CHL1: variants seen among roughly 807,000 people sequenced by gnomAD.
The protein encoded by CHL1 is neural cell adhesion molecule L1-like protein.
Under a neutral mutation model 141.9 loss-of-function variants are expected in CHL1, and 96 were observed. The observed-to-expected ratio is 0.68, with a 90% CI of 0.57 to 0.80. CHL1 has a LOEUF of 0.80. Among genes scored for constraint, CHL1 ranks in the 30% least tolerant of loss-of-function variants. CHL1 has a pLI of 0.00. For missense variants in CHL1, 1,820 were observed against 1,457.2 expected, an observed-to-expected ratio of 1.25 and a Z score of -4.05; for synonymous variants, 613 against 502.2, an observed-to-expected ratio of 1.22 and a Z score of -2.95.
chr3:199,154 T>G (rs1174749385), intron 1 of CHL1, among the ~76,000 whole-genome samples: 2 of 152,360 alleles, frequency 1.3e-5, no homozygotes, highest in South Asian at 2.1e-4. Flanking sequence ...TTTTATGGCC[T>G]TAAGTGCTGC....
At chr3:280,358 A>C (rs1157516682) in intron 2 of CHL1, among the ~76,000 whole-genome samples, 1 of 152,144 alleles carries the variant, frequency 6.6e-6, no homozygotes, top group Non-Finnish European at 1.5e-5. Flanking sequence ...AGAAAATTGA[A>C]CATCAGTCTT....
chr3:236,277 T>C (rs930243645), intron 1 of CHL1, among the ~76,000 whole-genome samples: 2 of 152,182 alleles, frequency 1.3e-5, no homozygotes, highest in African/African-American at 4.8e-5. Flanking sequence ...GCAGAGCTTA[T>C]TCATTCACTC....
In CHL1 at chr3:366,021, G is replaced by T. The variant is rs751637020; in HGVS notation, c.1657G>T (p.Glu553Ter). Residue 553 changes from glutamate (E) to a stop codon, truncating the protein, a stop_gained, in exon 15 of 28, where the codon GAA becomes TAA. Coordinates refer to ENST00000256509, the MANE Select transcript of CHL1 (RefSeq NM_006614.4). LOFTEE classifies it high-confidence loss of function. ...ATTGCATATGCTTGAATTACATTGT[G>T]AAAGCAAATGTGACTCACATTTGAA... ...PKLHMLELHCESKCDSHLKHS... is the reference protein window; with the variant it reads ...PKLHMLELHC The T allele has an allele frequency of 6.2e-7, 1 of 1,613,144 alleles. No individual in the cohort carries two copies. Among genetic ancestry groups the T allele is most frequent in the Non-Finnish European group, 8.5e-7 (1 of 1,179,248 alleles).
At chr3:280,025 G>A (rs1696497848) in intron 2 of CHL1, among the ~76,000 whole-genome samples, 1 of 151,892 alleles carries the variant, frequency 6.6e-6, no homozygotes, top group Non-Finnish European at 1.5e-5. Context: ...TGGTTATGTT[G>A]TCCTAAAATC....
At chr3:329,753 A>C (rs541916193) in intron 5 of CHL1, among the ~76,000 whole-genome samples, 88 of 152,204 alleles carry the variant, frequency 5.8e-4, no homozygotes, top group Middle Eastern at 3.4e-3. Flanking sequence ...GAAATGAAAA[A>C]GACAGAAAAG....
chr3:384,611 A>G, intron 19 of CHL1: 1 of 152,194 alleles, frequency 6.6e-6, no homozygotes, highest in East Asian at 1.9e-4. Flanking sequence ...TTTCTGTAAC[A>G]GTGGGGCATT....
intron 1 of CHL1, among the ~76,000 whole-genome samples, chr3:238,626 T>C (rs1457719988): frequency 1.3e-5 from 2 of 152,016 alleles, no homozygotes; most frequent in Non-Finnish European, 2.9e-5. Flanking sequence ...TAAAACATTG[T>C]AAAGAAACCC....
intron 2 of CHL1, among the ~76,000 whole-genome samples, chr3:260,676 T>C (rs368943297): frequency 9.3e-4 from 142 of 152,244 alleles, no homozygotes; most frequent in African/African-American, 3.2e-3. Flanking sequence ...GGGGTGTAGT[T>C]TGGGAAATTT....
chr3:305,455 C>T (rs1362600181), intron 2 of CHL1, among the ~76,000 whole-genome samples: 1 of 151,922 alleles, frequency 6.6e-6, no homozygotes, highest in African/African-American at 2.4e-5. Context: ...GACCTCTGCC[C>T]TATTATAACT....
At position 220,413 on chromosome 3, in the gene CHL1, A is replaced by G. The variant is rs528724342; in HGVS notation, c.-175+23350A>G. On this transcript the variant is annotated intron_variant, in intron 1 of 27. Transcript: ENST00000256509. ...GAGCCTGGAAATTCGAGGCTGTAGC[A>G]TGGGTGTCCAACCTTTTGACTACCC... Among the ~76,000 whole-genome samples the G allele has an allele frequency of 1.6e-4, 25 of 152,276 alleles. 2 individuals are homozygous for G. In the South Asian group the frequency reaches 4.4e-3, roughly 27 times the overall value.
intron 1 of CHL1, among the ~76,000 whole-genome samples, chr3:209,062 C>T (rs1699682292): frequency 6.6e-6 from 1 of 152,204 alleles, no homozygotes; most frequent in Non-Finnish European, 1.5e-5. Context: ...TCAACAGCTA[C>T]TTCAGGTATT....
rs752626396 is a variant in CHL1, at chr3:273,245, C to A, written c.-95+28553C>A. On this transcript the variant is annotated intron_variant, in intron 2 of 27. Transcript: ENST00000256509. The stretch of plus-strand genomic sequence containing the variant: ...GAGTGTGCGATAGCTAGAAACAGGT[C>A]AATAAATTATTCATGATCAAAATGA... Among the ~76,000 whole-genome samples, 10 of 152,236 alleles carry A rather than the reference C, an allele frequency of 6.6e-5. No homozygotes were observed. The East Asian group carries it at 1.9e-3, about 29-fold the overall frequency.
rs1342575582 is a variant in CHL1 at position 261,917 on chromosome 3, T to C, written c.-95+17225T>C. Among the ~76,000 whole-genome samples the C allele has an allele frequency of 9.0e-5, 12 of 133,362 alleles. No individual in the cohort carries two copies. The South Asian group carries it at 2.0e-3, about 22-fold the overall frequency. 87.5% of individuals were successfully genotyped at this position (133,362 alleles called of 152,430 possible). A position where few individuals can be genotyped will look rare whatever the true frequency, so the allele number is the denominator to read the frequency against. ...GTTTGGGAATTTTTAGCAGCTTGAG[T>C]ATATTTAAGCCCAGATCTACACAGT... On this transcript the variant is annotated intron_variant, in intron 2 of 27. Transcript: ENST00000256509.
At chr3:363,430 A>T in intron 14 of CHL1, 47 bp downstream of exon 14, 1 of 1,524,014 alleles carries the variant, frequency 6.6e-7, no homozygotes, top group Non-Finnish European at 9.0e-7. Context: ...ACATGGGTTC[A>T]GTCTGTCTTC....
At chr3:262,576 C>T (rs1484954881) in intron 2 of CHL1, among the ~76,000 whole-genome samples, 5 of 150,258 alleles carry the variant, frequency 3.3e-5, no homozygotes, top group East Asian at 3.9e-4. Context: ...ACACAGTACT[C>T]ACAGGGCAGG....
chr3:345,535 G>C (rs981488960), intron 9 of CHL1, among the ~76,000 whole-genome samples: 1 of 151,466 alleles, frequency 6.6e-6, no homozygotes. Flanking sequence ...CCATGCTGGA[G>C]TGCAGAGGCG....
chr3:408,183 G>A lies in CHL1; in HGVS notation c.*2472G>A, dbSNP rs946774433. 5 of 152,068 alleles carry A rather than the reference G, an allele frequency of 3.3e-5. No homozygotes were observed. The highest frequency in any genetic ancestry group is 9.7e-5 in the African/African-American group (4 of 41,400). 9.4% of individuals were successfully genotyped at this position (152,068 alleles called of 1,614,324 possible). A position where few individuals can be genotyped will look rare whatever the true frequency, so the allele number is the denominator to read the frequency against. Reference sequence around the variant, plus strand: ...GGCGTGCAATGGTAATTATAAATTGGTGATGCTTGTTTGCAAATTGCCCAC... The same window carrying A: ...GGCGTGCAATGGTAATTATAAATTGATGATGCTTGTTTGCAAATTGCCCAC... On this transcript the variant is annotated 3_prime_UTR_variant, in exon 28 of 28. Coordinates refer to ENST00000256509, the MANE Select transcript of CHL1 (RefSeq NM_006614.4).
chr3:231,576 T>A (rs1045699140), intron 1 of CHL1, among the ~76,000 whole-genome samples: 188 of 14,718 alleles, frequency 0.013, no homozygotes, highest in Admixed American at 0.031. Context: ...TATTTCTTCC[T>A]TTTTTTTTTT....
At chr3:261,640 T>C (rs1198583808) in intron 2 of CHL1, among the ~76,000 whole-genome samples, 3 of 152,144 alleles carry the variant, frequency 2.0e-5, no homozygotes, top group African/African-American at 7.2e-5. Context: ...ACTATATGGC[T>C]CTTTGATTAT....
Sources: gnomAD v4.1 joint callset for allele counts (sites outside exome capture counted in the v4.1 genomes callset) on GRCh38, gnomAD v4.1.1 for gene constraint, MANE v1.5 for transcripts, NCBI Gene and HGNC (gene_info 2026-07-23, HGNC 2026-07-21) for gene names.